Variants in MGAT4C observed in about 807,000 individuals in gnomAD.
The protein encoded by MGAT4C is MGAT4 family member C.
MGAT4C carries 19 observed loss-of-function variants against 40.1 expected under a neutral mutation model. The observed-to-expected ratio is 0.47, with a 90% CI of 0.33 to 0.70. MGAT4C has a LOEUF of 0.70. Among genes scored for constraint, MGAT4C ranks in the 30% least tolerant of loss-of-function variants. The probability of loss-of-function intolerance (pLI) is 0.02; values close to 1 mark genes in which losing one functional copy is unlikely to be tolerated. For synonymous variants in MGAT4C, 181 were observed against 187.1 expected (o/e 0.97, Z 0.27); for missense variants, 491 against 563.2 (o/e 0.87, Z 1.30).
intron 1 of MGAT4C, among the ~76,000 whole-genome samples, chr12:86,235,328 C>CT (rs1176229007): frequency 6.6e-6 from 1 of 152,030 alleles, no homozygotes; most frequent in East Asian, 1.9e-4. Flanking sequence ...TTAAGATTAT[C>CT]TAGCTTCAGT....
intron 1 of MGAT4C, among the ~76,000 whole-genome samples, chr12:86,198,296 C>A (rs937266380): frequency 6.6e-6 from 1 of 152,134 alleles, no homozygotes; most frequent in South Asian, 2.1e-4. Flanking sequence ...AGTCTGAAGG[C>A]CATTCAGTCA....
intron 2 of MGAT4C, among the ~76,000 whole-genome samples, chr12:86,436,722 G>C (rs2136274176): frequency 6.6e-6 from 1 of 151,780 alleles, no homozygotes; most frequent in South Asian, 2.1e-4. Context: ...TTCTTTAAAA[G>C]AGGTTTGTGT....
At chr12:86,588,104 C>T (rs1456277319) in intron 2 of MGAT4C, among the ~76,000 whole-genome samples, 3 of 151,574 alleles carry the variant, frequency 2.0e-5, no homozygotes, top group Non-Finnish European at 4.4e-5. Context: ...ACAGCTCTTA[C>T]TATTTTGAGA....
Position 85,979,433 on chromosome 12 carries a change from T to C in MGAT4C, c.1293A>G (p.Arg431=). Residue 431 remains arginine, a synonymous_variant, in exon 5 of 5, where the codon AGA becomes AGG. Coordinates refer to ENST00000611864, the MANE Select transcript of MGAT4C (RefSeq NM_001351288.2). The part of the protein sequence containing the change: ...KQRRQCSTYL[R]LGEFKNGNFE... The stretch of plus-strand genomic sequence containing the variant: ...AGTTTCCATTTTTGAATTCTCCTAG[T>C]CTTAAGTAAGTAGAACATTGTCTCC... 2 of 1,613,422 alleles carry C rather than the reference T, an allele frequency of 1.2e-6. No homozygotes were observed. Among genetic ancestry groups the C allele is most frequent in the Non-Finnish European group, 1.7e-6 (2 of 1,179,590 alleles).
At chr12:86,245,600 G>A (rs996312422) in intron 1 of MGAT4C, among the ~76,000 whole-genome samples, 8 of 152,084 alleles carry the variant, frequency 5.3e-5, no homozygotes, top group Non-Finnish European at 1.5e-5. Context: ...ATGTTTCCTA[G>A]GCATAGTATT....
intron 1 of MGAT4C, among the ~76,000 whole-genome samples, chr12:86,217,450 A>G (rs963704473): frequency 3.3e-5 from 5 of 152,138 alleles, no homozygotes; most frequent in Non-Finnish European, 5.9e-5. Flanking sequence ...TGTCCCCTCT[A>G]CAGTTTCTTA....
At chr12:86,397,864 G>C (rs1271571656) in intron 3 of MGAT4C, among the ~76,000 whole-genome samples, 1 of 152,160 alleles carries the variant, frequency 6.6e-6, no homozygotes, top group Non-Finnish European at 1.5e-5. Context: ...CTGGGAGGCT[G>C]AAGTGAGAGG....
chr12:86,051,467 T>C (rs967146928), intron 1 of MGAT4C, among the ~76,000 whole-genome samples: 3 of 151,852 alleles, frequency 2.0e-5, no homozygotes, highest in Admixed American at 6.6e-5. Flanking sequence ...TAATTTCTCA[T>C]AGACACTGAT....
chr12:86,123,645 T>C (rs1566016567), intron 1 of MGAT4C, among the ~76,000 whole-genome samples: 1 of 152,156 alleles, frequency 6.6e-6, no homozygotes, highest in East Asian at 1.9e-4. Flanking sequence ...TGGATGTTCA[T>C]ATTTCTTTGA....
Position 86,147,247 on chromosome 12 carries a change from T to TA in MGAT4C, c.-56-97525_-56-97524insT, listed in dbSNP as rs1032865124. 7.7e-5 allele frequency among the ~76,000 whole-genome samples: 10 copies of TA among 130,298 alleles called. No homozygotes were observed. In the East Asian group the frequency reaches 1.7e-3, roughly 22 times the overall value. The allele number at this position is 130,298 out of a possible 152,430, so 85.5% of individuals were successfully genotyped here. A position where few individuals can be genotyped will look rare whatever the true frequency, so the allele number is the denominator to read the frequency against. ...AATAAGATAGCAGAAATTTATTAAA[T>TA]TTTTTTTTTTTTGAGACGTAGTCTC... is the stretch of plus-strand genomic sequence containing the variant. On this transcript the variant is annotated intron_variant, in intron 1 of 4. Coordinates refer to ENST00000611864, the MANE Select transcript of MGAT4C (RefSeq NM_001351288.2).
intron 3 of MGAT4C, among the ~76,000 whole-genome samples, chr12:86,346,383 C>A (rs1042961162): frequency 2.0e-5 from 3 of 152,166 alleles, no homozygotes; most frequent in African/African-American, 7.2e-5. Context: ...CACCACCATG[C>A]CCGACTAATT....
chr12:86,121,612 A>G (rs190029249), intron 1 of MGAT4C, among the ~76,000 whole-genome samples: 218 of 152,314 alleles, frequency 1.4e-3, no homozygotes, highest in African/African-American at 5.0e-3. Flanking sequence ...AAAGAATAGA[A>G]TTTTCAACCC....
At chr12:86,264,280 T>G (rs1952730689) in intron 4 of MGAT4C, among the ~76,000 whole-genome samples, 1 of 152,230 alleles carries the variant, frequency 6.6e-6, no homozygotes, top group Non-Finnish European at 1.5e-5. Flanking sequence ...TTTCCTAGGT[T>G]TCCTTCTAGT....
At chr12:85,986,243 T>C (rs1022952694) in intron 3 of MGAT4C, among the ~76,000 whole-genome samples, 5 of 152,208 alleles carry the variant, frequency 3.3e-5, no homozygotes, top group African/African-American at 1.2e-4. Context: ...CTTCTTTCTG[T>C]AGCTACTATG....
chr12:86,511,503 G>T (rs1217341803), intron 2 of MGAT4C, among the ~76,000 whole-genome samples: 1 of 152,052 alleles, frequency 6.6e-6, no homozygotes, highest in Non-Finnish European at 1.5e-5. Flanking sequence ...TAACTGACAT[G>T]TTTTAAATCT....
chr12:86,669,337 C>G (rs1964194497), intron 2 of MGAT4C, among the ~76,000 whole-genome samples: 1 of 152,034 alleles, frequency 6.6e-6, no homozygotes, highest in East Asian at 1.9e-4. Context: ...CCCTCTCTGT[C>G]ATAAGCCCAG....
chr12:86,284,650 T>C (rs530754808), intron 4 of MGAT4C, among the ~76,000 whole-genome samples: 1 of 151,992 alleles, frequency 6.6e-6, no homozygotes, highest in Admixed American at 6.6e-5. Flanking sequence ...TAGGAAACCA[T>C]GAAAAATCAT....
intron 1 of MGAT4C, among the ~76,000 whole-genome samples, chr12:86,086,551 A>T (rs1262454998): frequency 2.0e-5 from 3 of 152,060 alleles, no homozygotes; most frequent in Non-Finnish European, 4.4e-5. Context: ...AAAGTTATGG[A>T]TACATAATAG....
At chr12:86,014,063 T>G (rs1239188669) in intron 2 of MGAT4C, among the ~76,000 whole-genome samples, 1 of 152,172 alleles carries the variant, frequency 6.6e-6, no homozygotes, top group Non-Finnish European at 1.5e-5. Flanking sequence ...CAGATTCTTA[T>G]TTTTGGTAGG....
Sources: allele counts gnomAD v4.1 joint callset (sites outside exome capture counted in the v4.1 genomes callset), GRCh38; gene constraint gnomAD v4.1.1; transcripts MANE v1.5; gene names NCBI Gene and HGNC (gene_info 2026-07-23, HGNC 2026-07-21).